Variants in MKS1 observed in about 807,000 individuals in gnomAD.
MKS1 encodes the protein tectonic-like complex member MKS1.
In MKS1, 70 loss-of-function variants were observed where a neutral mutation model predicts 83.7. That is an observed-to-expected ratio of 0.84 (90% confidence interval 0.69 to 1.02). The LOEUF is 1.02. MKS1 is among the 50% of genes least tolerant of loss of function. MKS1 has a pLI of 0.00. For missense variants in MKS1, 681 were observed against 726.9 expected (o/e 0.94, Z 0.73); for synonymous variants, 251 against 273.4 (o/e 0.92, Z 0.81).
chr17:58,207,151 C>A lies in MKS1; in HGVS notation c.1341G>T (p.Arg447Ser). The stretch of plus-strand genomic sequence containing the variant: ...GTTCCAGAGAACCGCCAATGAAAAA[C>A]CTCCTCAGCTCAGCCACCGTGCCAA... ...VELGTVAELR[R>S]FFIGGSLELE... is the part of the protein sequence containing the mutation. The change falls in exon 15 of 18, where the codon AGG becomes AGT. Residue 447 changes from arginine (R) to serine (S), a missense_variant. Around this residue, in one of 3 missense-constraint regions of MKS1, gnomAD observed 310 missense variants for 321.7 expected, o/e 0.96. Coordinates refer to ENST00000393119, the MANE Select transcript of MKS1 (RefSeq NM_017777.4). The A allele has an allele frequency of 6.2e-7, 1 of 1,614,168 alleles. No individual in the cohort carries two copies. The highest frequency in any genetic ancestry group is 1.3e-5 in the African/African-American group (1 of 75,046).
Position 58,210,693 on chromosome 17 carries a change from G to C in MKS1, c.990C>G (p.Leu330=), listed in dbSNP as rs1440724430. The C allele has an allele frequency of 1.9e-6, 3 of 1,614,016 alleles. No homozygotes were observed. The highest frequency in any genetic ancestry group is 2.7e-5 in the African/African-American group (2 of 74,932). ...VSAQGYEYDN[L]YVHFFVELPT... The stretch of plus-strand genomic sequence containing the variant: ...GCAATTCTACAAAGAAGTGGACGTA[G>C]AGATTGTCATACTCATAGCCTTGGG... The change falls in exon 11 of 18, where the codon CTC becomes CTG. Residue 330 remains leucine (L), a synonymous_variant. Transcript: ENST00000393119.
rs1361266111 is a variant in MKS1, at chr17:58,209,171, C to G, written c.1025-588G>C. Reference sequence around the variant, plus strand: ...GTCATCATGGCCCATTCTCAATGGTCGCTGTCTCTTCGGAGCTGTTGGGTA... The same window carrying G: ...GTCATCATGGCCCATTCTCAATGGTGGCTGTCTCTTCGGAGCTGTTGGGTA... On this transcript the variant is annotated intron_variant, in intron 11 of 17. Transcript: ENST00000393119. The surrounding 1 kb of genome is among the most constrained non-coding windows in gnomAD (Gnocchi z 4.1). Among the ~76,000 whole-genome samples the G allele has an allele frequency of 2.0e-5, 3 of 152,092 alleles. No individual in the cohort carries two copies. Among genetic ancestry groups the G allele is most frequent in the African/African-American group, 4.8e-5 (2 of 41,384 alleles).
chr17:58,210,343 A>C (rs1968800105), intron 11 of MKS1, among the ~76,000 whole-genome samples: 1 of 152,126 alleles, frequency 6.6e-6, no homozygotes, highest in South Asian at 2.1e-4. Context: ...GGGTACTCTC[A>C]CGGTTTAAGA....
intron 6 of MKS1, 56 bp downstream of exon 6, chr17:58,214,203 C>T: frequency 6.2e-7 from 1 of 1,612,164 alleles, no homozygotes; most frequent in South Asian, 1.1e-5. Flanking sequence ...AAGGGGAGAG[C>T]TGGTGAGAGG....
chr17:58,212,880 C>G (rs1357783434), intron 8 of MKS1, 102 bp downstream of exon 8: 1 of 1,176,798 alleles, frequency 8.5e-7, no homozygotes, highest in East Asian at 2.3e-5. Context: ...CCATGAAGGG[C>G]AAGGCTTTTC....
chr17:58,215,995 T>A lies in MKS1; in HGVS notation c.417+93A>T. ...CCTAGACAGGCTACTTGTCTCCCCT[T>A]ACTAGGCTCTGACATAACACACAGA... is the stretch of plus-strand genomic sequence containing the variant. On this transcript the variant is annotated intron_variant, in intron 4 of 17. Transcript: ENST00000393119. 4.8e-6 allele frequency: 7 copies of A among 1,470,196 alleles called. No individual in the cohort carries two copies. In the South Asian group the frequency reaches 8.0e-5, roughly 17 times the overall value. The allele number at this position is 1,470,196 out of a possible 1,614,324, so 91.1% of individuals were successfully genotyped here.
At chr17:58,210,596 G>A in intron 11 of MKS1, 63 bp downstream of exon 11, 1 of 1,482,360 alleles carries the variant, frequency 6.7e-7, no homozygotes, top group Non-Finnish European at 9.4e-7. Context: ...AAGGAAGCCT[G>A]ACCAAATGCC....
In MKS1 at chr17:58,216,153, C is replaced by G. The variant is rs1356916781; in HGVS notation, c.352G>C (p.Gly118Arg). Residue 118 changes from glycine (G) to arginine (R), a missense_variant, in exon 4 of 18, where the codon GGT becomes CGT. Gly to Arg is a moderately radical substitution (Grantham distance 125). This residue lies in a region of MKS1 where 365 missense variants were observed against 383.8 expected (regional missense o/e 0.95). Transcript: ENST00000393119. ...AAGATTCGTCGGTTTTTCTTGCCAC[C>G]CGAATTCTCCAGCTTCAGGATCTCC... ...RQEILKLENS[G>R]GKKNRRIFTY... 6.2e-7 allele frequency: 1 copy of G among 1,614,004 alleles called. No individual in the cohort carries two copies. Among genetic ancestry groups the G allele is most frequent in the Non-Finnish European group, 8.5e-7 (1 of 1,180,024 alleles).
In MKS1 at chr17:58,206,121, G is replaced by A; in HGVS notation, c.1638C>T (p.Leu546=). The change falls in exon 18 of 18, where the codon CTC becomes CTT. Residue 546 remains leucine, a synonymous_variant. Transcript: ENST00000393119. The part of the protein sequence containing the change: ...RRRMQEARES[L]PQDLVSPSGT... ...CAGAGGGGCTCACTAGGTCCTGCGG[G>A]AGGCTTTCCCGGGCCTCCTGCATGC... 1 of 1,613,620 alleles carries A rather than the reference G, an allele frequency of 6.2e-7. No homozygotes were observed. Among genetic ancestry groups the A allele is most frequent in the Non-Finnish European group, 8.5e-7 (1 of 1,179,896 alleles).
intron 3 of MKS1, 83 bp from the exon 4 acceptor site, chr17:58,216,326 A>T: frequency 7.0e-7 from 1 of 1,427,926 alleles, no homozygotes; most frequent in East Asian, 2.3e-5. Flanking sequence ...TAATCAAATC[A>T]GTTCTACAGA....
Position 58,214,250 on chromosome 17 carries a change from G to A in MKS1, c.644+9C>T, listed in dbSNP as rs754404940. The A allele has an allele frequency of 3.3e-5, 53 of 1,614,108 alleles. No homozygotes were observed. Among genetic ancestry groups the A allele is most frequent in the South Asian group, 2.9e-4 (26 of 91,074 alleles). On this transcript the variant is annotated intron_variant, in intron 6 of 17. Transcript: ENST00000393119. ...AGGCTCTAAGCTGGCAGTGAGAAGC[G>A]CCACTCACTTTTTATAGGGCCCCAG...
intron 12 of MKS1, 90 bp downstream of exon 12, chr17:58,208,423 G>A: frequency 6.9e-7 from 1 of 1,454,128 alleles, no homozygotes; most frequent in Non-Finnish European, 9.6e-7. Flanking sequence ...TCCTCCCCAG[G>A]GCGCACAGCA....
rs372768422 is a variant in MKS1, at chr17:58,217,109, C to A, written c.191-373G>T. On this transcript the variant is annotated intron_variant, in intron 2 of 17. Transcript: ENST00000393119. ...GGTTCAAGCGATTCTCCTGCCTCAG[C>A]CTCCCAAGTAGCTGGGATTACAGGC... 3.4e-3 allele frequency among the ~76,000 whole-genome samples: 524 copies of A among 152,342 alleles called. 1 individual carries two copies. Among genetic ancestry groups the A allele is most frequent in the African/African-American group, 0.012 (504 of 41,578 alleles).
intron 17 of MKS1, 53 bp downstream of exon 17, chr17:58,206,230 A>T: frequency 1.2e-6 from 2 of 1,613,942 alleles, no homozygotes; most frequent in East Asian, 2.2e-5. Context: ...TGCACTGCAG[A>T]GAGAAACAGG....
intron 3 of MKS1, 54 bp downstream of exon 3, chr17:58,216,612 A>T: frequency 6.4e-7 from 1 of 1,570,064 alleles, no homozygotes; most frequent in South Asian, 1.1e-5. Context: ...ATCACCAGCC[A>T]TGTGGAGGTA....
rs1357229502 is a variant in MKS1, at chr17:58,213,777, T to C, written c.737A>G (p.Lys246Arg). 1 of 1,613,320 alleles carries C rather than the reference T, an allele frequency of 6.2e-7. No homozygotes were observed. The highest frequency in any genetic ancestry group is 1.1e-5 in the South Asian group (1 of 91,050). The change falls in exon 7 of 18, where the codon AAA becomes AGA. Residue 246 changes from lysine (K) to arginine (R), a missense_variant. Physicochemically the swap from Lys to Arg is conservative, Grantham distance 26. Around this residue, in one of 3 missense-constraint regions of MKS1, gnomAD observed 365 missense variants for 383.8 expected, o/e 0.95. Transcript: ENST00000393119. ...TTCCTCTCCTCACCTGTAGGGTCCT[T>C]TGAGGCCCGTGAAGTCAGGCTTTAC... ...ITVKPDFTGLKGPYRIETEGE... is the reference protein window; with the variant it reads ...ITVKPDFTGLRGPYRIETEGE...
At position 58,219,193 on chromosome 17, in the gene MKS1, G is replaced by A; in HGVS notation, c.38C>T (p.Ala13Val). Residue 13 changes from alanine to valine, a missense_variant, in exon 1 of 18, where the codon GCA becomes GTA. Coordinates refer to ENST00000393119, the MANE Select transcript of MKS1 (RefSeq NM_017777.4). ...ETVWSTDTGE[A>V]VYRSRDPVRN... ...CACGGGGTCCCGGGAGCGATACACT[G>A]CCTCCCCGGTGTCAGTGCTCCAGAC... The A allele has an allele frequency of 6.4e-7, 1 of 1,551,142 alleles. No individual in the cohort carries two copies. The highest frequency in any genetic ancestry group is 8.7e-7 in the Non-Finnish European group (1 of 1,147,008).
chr17:58,216,006 G>T, intron 4 of MKS1, 82 bp downstream of exon 4: 2 of 1,522,226 alleles, frequency 1.3e-6, no homozygotes, highest in Non-Finnish European at 9.1e-7. Context: ...ACTAGGCTCT[G>T]ACATAACACA....
chr17:58,217,247 C>G (rs1422722223), intron 2 of MKS1, among the ~76,000 whole-genome samples: 1 of 152,216 alleles, frequency 6.6e-6, no homozygotes, highest in Admixed American at 6.5e-5. Flanking sequence ...CCTTGGTCTC[C>G]CAAAGTGCTG....
Sources: gnomAD v4.1 joint callset for allele counts (sites outside exome capture counted in the v4.1 genomes callset) on GRCh38, gnomAD v4.1.1 for gene constraint, gnomAD v4.1.1 regional missense constraint, Gnocchi (gnomAD v3.1) non-coding constraint, MANE v1.5 for transcripts, NCBI Gene and HGNC (gene_info 2026-07-23, HGNC 2026-07-21) for gene names.